The following CYP3A5 variants were observed in gnomAD, a reference collection of about 807,000 sequenced individuals.
CYP3A5 encodes cytochrome P450 family 3 subfamily A member 5.
CYP3A5 carries 51 observed loss-of-function variants against 55.9 expected under a neutral mutation model. That is an observed-to-expected ratio of 0.91 (90% CI 0.73 to 1.15). CYP3A5 has a LOEUF of 1.15. Among genes scored for constraint, CYP3A5 ranks in the 50% most tolerant of loss-of-function variants. The pLI is 0.00. For synonymous variants in CYP3A5, 196 were observed against 213.9 expected (o/e 0.92, Z 0.73); for missense variants, 533 against 596.6 (o/e 0.89, Z 1.11).
intron 4 of CYP3A5, among the ~76,000 whole-genome samples, chr7:99,670,228 G>A (rs986939448): frequency 2.6e-5 from 4 of 152,110 alleles, no homozygotes; most frequent in African/African-American, 9.7e-5. Flanking sequence ...AATGAAAACT[G>A]GCTTACAGAT....
chr7:99,670,128 TAAGTC>T (rs1811441608), intron 4 of CYP3A5, among the ~76,000 whole-genome samples: 2 of 152,188 alleles, frequency 1.3e-5, no homozygotes, highest in African/African-American at 4.8e-5. Context: ...GTAAGATGGT[TAAGTC>T]AAGGCAAAAT....
chr7:99,672,750 C>G, intron 3 of CYP3A5, 71 bp from the exon 4 acceptor site: 1 of 1,605,492 alleles, frequency 6.2e-7, no homozygotes, highest in South Asian at 1.1e-5. Context: ...ACCCAGGAAG[C>G]CAGACTTTGA....
intron 4 of CYP3A5, among the ~76,000 whole-genome samples, chr7:99,668,786 T>G (rs1045398790): frequency 2.0e-5 from 3 of 152,258 alleles, no homozygotes; most frequent in African/African-American, 7.2e-5. Context: ...TCGCCATTTG[T>G]ACGCATGTGT....
intron 4 of CYP3A5, among the ~76,000 whole-genome samples, chr7:99,668,495 T>G (rs895337843): frequency 9.2e-5 from 14 of 152,360 alleles, no homozygotes; most frequent in Non-Finnish European, 1.8e-4. Flanking sequence ...ATTTTTTTTG[T>G]AATTTTGTAA....
intron 9 of CYP3A5, 42 bp from the exon 10 acceptor site, chr7:99,660,701 G>A (rs367818793): frequency 1.2e-5 from 19 of 1,604,204 alleles, no homozygotes; most frequent in Admixed American, 3.4e-5. Flanking sequence ...TCAGGTCAAC[G>A]TACAACATCA....
At chr7:99,676,009 A>C in intron 2 of CYP3A5, 106 bp downstream of exon 2, 2 of 943,688 alleles carry the variant, frequency 2.1e-6, no homozygotes, top group Non-Finnish European at 3.3e-6. Flanking sequence ...CATTTCTGAA[A>C]ATGTGAAACC....
intron 6 of CYP3A5, 130 bp downstream of exon 6, chr7:99,666,471 T>G: frequency 2.0e-6 from 2 of 993,576 alleles, no homozygotes. Flanking sequence ...AGGTGGCTCT[T>G]TGGAGTTGCA....
At position 99,652,629 on chromosome 7, in the gene CYP3A5, T is replaced by C. The variant is rs776562480; in HGVS notation, c.1177A>G (p.Met393Val). ...INGVFIPKGS[M>V]VVIPTYALHH... The stretch of plus-strand genomic sequence containing the variant: ...AGAGCATAAGTTGGAATCACCACCA[T>C]TGACCCTTTGGGAATGAATACCCCA... Residue 393 changes from methionine to valine, a missense_variant, in exon 11 of 13, where the codon ATG becomes GTG. By Grantham distance (21) the Met-to-Val change is conservative. Transcript: ENST00000222982. 6 of 1,614,110 alleles carry C rather than the reference T, an allele frequency of 3.7e-6. No individual in the cohort carries two copies. The highest frequency in any genetic ancestry group is 5.1e-6 in the Non-Finnish European group (6 of 1,179,996).
chr7:99,666,880 G>A, intron 5 of CYP3A5, 72 bp downstream of exon 5: 1 of 1,599,118 alleles, frequency 6.3e-7, no homozygotes, highest in South Asian at 1.1e-5. Context: ...GAAACGGACT[G>A]TGATCTTACT....
chr7:99,658,306 GT>G (rs1206254061), intron 10 of CYP3A5, among the ~76,000 whole-genome samples: 2 of 152,070 alleles, frequency 1.3e-5, no homozygotes, highest in Non-Finnish European at 2.9e-5. Flanking sequence ...GCATTTGCTT[GT>G]CTGTAAAGTA....
Position 99,672,603 on chromosome 7 carries a change from A to G in CYP3A5, c.295T>C (p.Tyr99His). The G allele has an allele frequency of 6.2e-7, 1 of 1,613,924 alleles. No individual in the cohort carries two copies. Among genetic ancestry groups the G allele is most frequent in the South Asian group, 1.1e-5 (1 of 91,070 alleles). The change falls in exon 4 of 13, where the codon TAT (tyrosine) becomes CAT (histidine). Residue 99 changes from tyrosine to histidine, a missense_variant. Physicochemically the swap from Tyr to His is moderately conservative, Grantham distance 83. Transcript: ENST00000222982. ...VIRTVLVKEC[Y>H]SVFTNRRSLG... ...ACCCTTCGATTTGTGAAGACAGAAT[A>G]ACATTCTTTCACTAGCACTGTTCTG...
At chr7:99,674,648 T>C (rs894359086) in intron 2 of CYP3A5, 63 bp from the exon 3 acceptor site, 4 of 1,430,896 alleles carry the variant, frequency 2.8e-6, no homozygotes, top group East Asian at 2.4e-5. Flanking sequence ...CTACCTCTAA[T>C]TGGGGCTGAA....
intron 5 of CYP3A5, 98 bp from the exon 6 acceptor site, chr7:99,666,787 G>A (rs1811066925): frequency 6.3e-7 from 1 of 1,599,300 alleles, no homozygotes; most frequent in East Asian, 2.2e-5. Flanking sequence ...GTGACATTTT[G>A]TAATGAATTT....
chr7:99,679,925 G>C lies in CYP3A5; in HGVS notation c.-29C>G, dbSNP rs774505838. The C allele has an allele frequency of 6.9e-6, 11 of 1,604,534 alleles. No individual in the cohort carries two copies. Among genetic ancestry groups the C allele is most frequent in the African/African-American group, 2.7e-5 (2 of 74,730 alleles). ...CACTTTCCTTCTTCAACTGTGTTCT[G>C]TGAGTCTTCCTTTTAGCTGAGTGCT... On this transcript the variant is annotated 5_prime_UTR_variant, in exon 1 of 13. Transcript: ENST00000222982.
intron 10 of CYP3A5, among the ~76,000 whole-genome samples, chr7:99,654,338 T>G (rs988023302): frequency 2.6e-5 from 4 of 152,174 alleles, no homozygotes; most frequent in Admixed American, 1.3e-4. Flanking sequence ...AGTGTTTGGT[T>G]TTTTGTCCTT....
chr7:99,663,918 T>G (rs774803022), intron 8 of CYP3A5, 50 bp downstream of exon 8: 2 of 1,546,206 alleles, frequency 1.3e-6, no homozygotes, highest in South Asian at 2.5e-5. Flanking sequence ...GTATAAAATC[T>G]AAATTTATCA....
At chr7:99,663,263 A>C in intron 8 of CYP3A5, 1 of 1,019,440 alleles carries the variant, frequency 9.8e-7, no homozygotes, top group African/African-American at 1.7e-5. Context: ...CAGTGTCCGT[A>C]TAGATTAATC....
chr7:99,663,932 C>T (rs755688298), intron 8 of CYP3A5, 36 bp downstream of exon 8: 8 of 1,555,800 alleles, frequency 5.1e-6, no homozygotes, highest in South Asian at 1.2e-5. Context: ...TTTATCAAAA[C>T]CTAAACATCG....
chr7:99,678,283 G>A (rs4646445), intron 1 of CYP3A5, among the ~76,000 whole-genome samples: 3 of 152,298 alleles, frequency 2.0e-5, no homozygotes, highest in Admixed American at 6.5e-5. Flanking sequence ...TGACCTCCAC[G>A]GTGGGGCCAG....
Sources: gnomAD v4.1 joint callset for allele counts (sites outside exome capture counted in the v4.1 genomes callset) on GRCh38, gnomAD v4.1.1 for gene constraint, MANE v1.5 for transcripts, NCBI Gene and HGNC (gene_info 2026-07-23, HGNC 2026-07-21) for gene names.